NDRG3: variants seen among roughly 807,000 people sequenced by gnomAD.
The protein encoded by NDRG3 is NDRG family member 3, also known as protein NDRG3.
NDRG3 carries 23 observed loss-of-function variants against 57.2 expected under a neutral mutation model. The ratio of observed to expected loss-of-function variants is 0.40; its 90% CI spans 0.29 to 0.57. The LOEUF is 0.57. NDRG3 is among the 20% of genes least tolerant of loss of function. NDRG3 has a pLI of 0.42. For missense variants in NDRG3, 384 were observed against 457.3 expected (o/e 0.84, Z 1.46); for synonymous variants, 132 against 162.6 (o/e 0.81, Z 1.43).
chr20:36,740,481 G>C (rs1480190129), intron 1 of NDRG3, among the ~76,000 whole-genome samples: 1 of 152,096 alleles, frequency 6.6e-6, no homozygotes, highest in Non-Finnish European at 1.5e-5. Flanking sequence ...CGAGTAGCTG[G>C]GACTACAGAT....
chr20:36,670,019 A>G (rs991259452), intron 9 of NDRG3, among the ~76,000 whole-genome samples: 2 of 152,280 alleles, frequency 1.3e-5, no homozygotes, highest in African/African-American at 4.8e-5. Flanking sequence ...AAAAGAAGCC[A>G]GACTCAGAGA....
At chr20:36,675,514 G>A (rs1476655845) in intron 8 of NDRG3, among the ~76,000 whole-genome samples, 2 of 151,372 alleles carry the variant, frequency 1.3e-5, no homozygotes. Flanking sequence ...AGCCTCCCGA[G>A]TAGCTGGGAT....
At chr20:36,703,366 C>T (rs1294812168) in intron 3 of NDRG3, among the ~76,000 whole-genome samples, 2 of 151,446 alleles carry the variant, frequency 1.3e-5, no homozygotes, top group South Asian at 4.2e-4. Context: ...TATATATATA[C>T]ATATATACTC....
intron 1 of NDRG3, among the ~76,000 whole-genome samples, chr20:36,738,053 A>G (rs1985697683): frequency 6.9e-6 from 1 of 145,340 alleles, no homozygotes; most frequent in South Asian, 2.2e-4. Flanking sequence ...ACAGAGCAAG[A>G]CTCTGTCTCA....
At position 36,722,789 on chromosome 20, in the gene NDRG3, C is replaced by T. The variant is rs141148227; in HGVS notation, c.-48-1006G>A. On this transcript the variant is annotated intron_variant, in intron 1 of 15. Transcript: ENST00000349004. ...ATATTCATTCACACATATGTATAATCGCCCACCCAAATAAATCAGGGATGG... is the reference window on the plus strand; with the variant it reads ...ATATTCATTCACACATATGTATAATTGCCCACCCAAATAAATCAGGGATGG... Among the ~76,000 whole-genome samples, 66 of 152,280 alleles carry T rather than the reference C, an allele frequency of 4.3e-4. 1 individual carries two copies. The East Asian group carries it at 6.4e-3, about 15-fold the overall frequency.
intron 13 of NDRG3, 34 bp from the exon 14 acceptor site, chr20:36,656,566 C>T (rs1949368599): frequency 1.9e-6 from 3 of 1,613,568 alleles, no homozygotes; most frequent in African/African-American, 2.7e-5. Flanking sequence ...TCAGCTGGGA[C>T]TTACCCTTAA....
intron 1 of NDRG3, among the ~76,000 whole-genome samples, chr20:36,737,606 T>C (rs910270196): frequency 3.9e-5 from 6 of 152,140 alleles, no homozygotes; most frequent in African/African-American, 7.2e-5. Context: ...GGACGGGGTA[T>C]TGTAATTTGC....
chr20:36,702,977 C>A (rs559502675), intron 3 of NDRG3, among the ~76,000 whole-genome samples: 1 of 152,188 alleles, frequency 6.6e-6, no homozygotes, highest in East Asian at 1.9e-4. Flanking sequence ...AGCCACCAGA[C>A]CTGGCCTAAT....
Position 36,703,421 on chromosome 20 carries a change from C to CCTATCTATCTAT in NDRG3, c.93+3539_93+3550dup, listed in dbSNP as rs5841239. ...CTCTAAATATATATATATGTAATAT[C>CCTATCTATCTAT]CTATCTATCTATCTATCTATCTATC... On this transcript the variant is annotated intron_variant, in intron 3 of 15. Transcript: ENST00000349004. Among the ~76,000 whole-genome samples the CCTATCTATCTAT allele has an allele frequency of 2.7e-3, 399 of 147,010 alleles. 1 individual carries two copies. Among genetic ancestry groups the CCTATCTATCTAT allele is most frequent in the East Asian group, 8.5e-3 (42 of 4,960 alleles).
At chr20:36,742,680 G>A (rs1381884407) in intron 1 of NDRG3, among the ~76,000 whole-genome samples, 1 of 152,050 alleles carries the variant, frequency 6.6e-6, no homozygotes. Flanking sequence ...ATATTGCTTT[G>A]CTTGTAACAT....
intron 1 of NDRG3, among the ~76,000 whole-genome samples, chr20:36,728,507 T>C (rs1395623318): frequency 6.6e-6 from 1 of 152,186 alleles, no homozygotes; most frequent in African/African-American, 2.4e-5. Context: ...GATGGGTGGA[T>C]GGATACATGG....
At chr20:36,696,773 G>A (rs1265284633) in intron 3 of NDRG3, among the ~76,000 whole-genome samples, 2 of 152,190 alleles carry the variant, frequency 1.3e-5, no homozygotes, top group African/African-American at 4.8e-5. Context: ...TTACAGGCGT[G>A]AGCCACCACG....
At chr20:36,718,187 C>T (rs543205021) in intron 2 of NDRG3, among the ~76,000 whole-genome samples, 24 of 152,282 alleles carry the variant, frequency 1.6e-4, no homozygotes, top group African/African-American at 2.2e-4. Flanking sequence ...CCACTTGCTG[C>T]GCAAAGACAG....
intron 10 of NDRG3, among the ~76,000 whole-genome samples, chr20:36,665,908 T>C (rs1979590330): frequency 6.6e-6 from 1 of 152,152 alleles, no homozygotes; most frequent in East Asian, 1.9e-4. Flanking sequence ...AAGTGTTTAA[T>C]TTACAGGAAT....
intron 15 of NDRG3, 44 bp downstream of exon 15, chr20:36,656,316 A>G (rs367933793): frequency 7.7e-5 from 122 of 1,591,304 alleles, no homozygotes; most frequent in Non-Finnish European, 1.0e-5. Context: ...CTGGCTCCCA[A>G]TATTCCTAAA....
At chr20:36,700,670 C>T (rs976783035) in intron 3 of NDRG3, 18 of 328,282 alleles carry the variant, frequency 5.5e-5, no homozygotes, top group African/African-American at 3.3e-4. Flanking sequence ...AGTGTGACTA[C>T]ACAATGAGCC....
At chr20:36,695,037 G>C (rs181826833) in intron 3 of NDRG3, among the ~76,000 whole-genome samples, 194 of 152,318 alleles carry the variant, frequency 1.3e-3, no homozygotes, top group Non-Finnish European at 1.2e-3. Context: ...CATAAATTGT[G>C]AAGATTTCAT....
intron 1 of NDRG3, among the ~76,000 whole-genome samples, chr20:36,728,839 C>T (rs1281673477): frequency 6.6e-6 from 1 of 152,074 alleles, no homozygotes; most frequent in East Asian, 1.9e-4. Context: ...GATTCTCCTG[C>T]CTCCATCTCC....
intron 2 of NDRG3, among the ~76,000 whole-genome samples, chr20:36,718,835 C>A (rs1451448649): frequency 1.3e-5 from 2 of 152,026 alleles, no homozygotes; most frequent in African/African-American, 4.8e-5. Context: ...CATCTGCCAC[C>A]ACACCTGGAT....
Sources: allele counts gnomAD v4.1 joint callset (sites outside exome capture counted in the v4.1 genomes callset), GRCh38; gene constraint gnomAD v4.1.1; transcripts MANE v1.5; gene names NCBI Gene and HGNC (gene_info 2026-07-23, HGNC 2026-07-21).